KCNH5: variants seen among roughly 807,000 people sequenced by gnomAD.
The protein encoded by KCNH5 is potassium voltage-gated channel subfamily H member 5, also known as voltage-gated delayed rectifier potassium channel KCNH5.
KCNH5 carries 46 observed loss-of-function variants against 96.1 expected under a neutral mutation model. The observed-to-expected ratio is 0.48, with a 90% CI of 0.38 to 0.61. The LOEUF is 0.61. Among genes scored for constraint, KCNH5 ranks in the 20% least tolerant of loss-of-function variants. KCNH5 has a pLI of 0.00. For missense variants in KCNH5, 907 were observed against 1,225.8 expected (o/e 0.74, Z 3.88); for synonymous variants, 439 against 449.8 (o/e 0.98, Z 0.30).
At chr14:62,928,085 T>C (rs980914952) in intron 7 of KCNH5, among the ~76,000 whole-genome samples, 5 of 152,070 alleles carry the variant, frequency 3.3e-5, no homozygotes, top group Non-Finnish European at 7.4e-5. Flanking sequence ...AACCCAACTG[T>C]AGTTTTCAAA....
At chr14:62,778,495 C>A (rs1359920801) in intron 10 of KCNH5, among the ~76,000 whole-genome samples, 1 of 152,180 alleles carries the variant, frequency 6.6e-6, no homozygotes, top group Non-Finnish European at 1.5e-5. Context: ...AGGAGACATT[C>A]CTGCTTAATA....
intron 6 of KCNH5, among the ~76,000 whole-genome samples, chr14:62,976,359 C>T (rs78593156): frequency 0.065 from 9,604 of 147,598 alleles, 422 homozygotes; most frequent in Non-Finnish European, 0.092. Context: ...GCCGAGATCA[C>T]GCCACTGCAC....
rs116005975 is a variant in KCNH5 at position 62,807,907 on chromosome 14, A to C, written c.1570-5326T>G. Among the ~76,000 whole-genome samples, 855 of 152,230 alleles carry C rather than the reference A, an allele frequency of 5.6e-3. 12 individuals are homozygous for C. The highest frequency in any genetic ancestry group is 0.019 in the African/African-American group (799 of 41,540). On this transcript the variant is annotated intron_variant, in intron 8 of 10. Coordinates refer to ENST00000322893, the MANE Select transcript of KCNH5 (RefSeq NM_139318.5). The stretch of plus-strand genomic sequence containing the variant: ...CCTCCTAAATGCTTCATAAAATGAC[A>C]CTATAACTCTTACTGTACAACTTGC...
intron 8 of KCNH5, among the ~76,000 whole-genome samples, chr14:62,817,844 C>G (rs977792627): frequency 5.8e-5 from 8 of 137,902 alleles, no homozygotes; most frequent in African/African-American, 1.9e-4. Context: ...ATATAATGGA[C>G]ATATATATAC....
chr14:62,933,515 G>A (rs1197054427), intron 7 of KCNH5, among the ~76,000 whole-genome samples: 3 of 151,852 alleles, frequency 2.0e-5, no homozygotes, highest in Non-Finnish European at 4.4e-5. Context: ...GTAGTTAAGA[G>A]ACATAGGACA....
intron 7 of KCNH5, among the ~76,000 whole-genome samples, chr14:62,862,113 C>T (rs1057051220): frequency 6.6e-6 from 1 of 152,092 alleles, no homozygotes; most frequent in African/African-American, 2.4e-5. Flanking sequence ...GTAAAAGAAG[C>T]AACAAATACA....
Position 62,936,405 on chromosome 14 carries a change from T to C in KCNH5, c.1369+13728A>G, listed in dbSNP as rs143083725. 7.1e-3 allele frequency among the ~76,000 whole-genome samples: 1,081 copies of C among 152,272 alleles called. 11 individuals are homozygous for C. Among genetic ancestry groups the C allele is most frequent in the African/African-American group, 0.025 (1,023 of 41,546 alleles). On this transcript the variant is annotated intron_variant, in intron 7 of 10. Coordinates refer to ENST00000322893, the MANE Select transcript of KCNH5 (RefSeq NM_139318.5). ...GAAAGAAAAACAAGCTCAGGTGCAG[T>C]GGCTCACACCTGTAATCCCAGCACT...
chr14:62,768,925 C>T (rs1281499975), intron 10 of KCNH5, among the ~76,000 whole-genome samples: 1 of 152,138 alleles, frequency 6.6e-6, no homozygotes, highest in African/African-American at 2.4e-5. Context: ...GTTTTTATTC[C>T]GTCTGGAAGC....
intron 7 of KCNH5, among the ~76,000 whole-genome samples, chr14:62,935,843 T>C (rs1287615686): frequency 6.6e-6 from 1 of 152,176 alleles, no homozygotes; most frequent in Non-Finnish European, 1.5e-5. Context: ...TGGTGGACCA[T>C]TGAGCAAAAT....
At chr14:62,761,663 G>A (rs192301417) in intron 10 of KCNH5, among the ~76,000 whole-genome samples, 57 of 152,018 alleles carry the variant, frequency 3.7e-4, no homozygotes, top group Middle Eastern at 3.4e-3. Flanking sequence ...ACTTAATATC[G>A]CACATCATTA....
chr14:63,032,877 T>A (rs1431827602), intron 1 of KCNH5, among the ~76,000 whole-genome samples: 1 of 152,174 alleles, frequency 6.6e-6, no homozygotes, highest in Non-Finnish European at 1.5e-5. Context: ...AGAGTTTCAT[T>A]CCAAGCGTGG....
At chr14:62,826,443 T>TGTGTGTGA in intron 8 of KCNH5, among the ~76,000 whole-genome samples, 1 of 150,110 alleles carries the variant, frequency 6.7e-6, no homozygotes. Flanking sequence ...TGTGTGTGTG[T>TGTGTGTGA]CAGCATTTTC....
chr14:62,950,782 A>G (rs887371016), intron 6 of KCNH5, among the ~76,000 whole-genome samples: 18 of 152,316 alleles, frequency 1.2e-4, no homozygotes, highest in African/African-American at 4.1e-4. Flanking sequence ...AAATTATTAG[A>G]TAAAACAGAT....
At chr14:62,813,450 A>T (rs1886911588) in intron 8 of KCNH5, among the ~76,000 whole-genome samples, 1 of 152,156 alleles carries the variant, frequency 6.6e-6, no homozygotes, top group Admixed American at 6.6e-5. Context: ...GAAGGTAGTA[A>T]ACTAAACAAG....
intron 7 of KCNH5, among the ~76,000 whole-genome samples, chr14:62,949,095 G>T (rs1889950289): frequency 6.6e-6 from 1 of 151,718 alleles, no homozygotes; most frequent in Non-Finnish European, 1.5e-5. Context: ...TTTGAAAACT[G>T]GCACAAGACA....
At chr14:62,729,782 A>G (rs771533353) in intron 10 of KCNH5, among the ~76,000 whole-genome samples, 1 of 152,212 alleles carries the variant, frequency 6.6e-6, no homozygotes, top group African/African-American at 2.4e-5. Context: ...AAATAATGTG[A>G]CATGTCCAGG....
At chr14:62,948,558 A>G (rs1023411845) in intron 7 of KCNH5, among the ~76,000 whole-genome samples, 2 of 152,044 alleles carry the variant, frequency 1.3e-5, no homozygotes. Flanking sequence ...AGATGGATTC[A>G]CAGCCGAATT....
intron 7 of KCNH5, among the ~76,000 whole-genome samples, chr14:62,882,238 G>T (rs1048382388): frequency 6.6e-6 from 1 of 151,664 alleles, no homozygotes; most frequent in African/African-American, 2.4e-5. Context: ...ACTCTAGCCC[G>T]GGTGACAGAG....
chr14:62,815,206 A>C (rs1479578571), intron 8 of KCNH5, among the ~76,000 whole-genome samples: 2 of 152,168 alleles, frequency 1.3e-5, no homozygotes, highest in African/African-American at 4.8e-5. Flanking sequence ...CTCTATATCC[A>C]TTTATATAAA....
Sources: gnomAD v4.1 joint callset for allele counts (sites outside exome capture counted in the v4.1 genomes callset) on GRCh38, gnomAD v4.1.1 for gene constraint, MANE v1.5 for transcripts, NCBI Gene and HGNC (gene_info 2026-07-23, HGNC 2026-07-21) for gene names.